The following SPHKAP variants were observed in gnomAD, a reference collection of about 807,000 sequenced individuals.
SPHKAP encodes the protein A-kinase anchor protein SPHKAP.
In SPHKAP, 67 loss-of-function variants were observed where a neutral mutation model predicts 137.5. The observed-to-expected ratio is 0.49, with a 90% confidence interval of 0.40 to 0.60. The LOEUF is 0.60. Among genes scored for constraint, SPHKAP ranks in the 20% least tolerant of loss-of-function variants. The pLI is 0.00. For missense variants in SPHKAP, 2,097 were observed against 2,069.3 expected (o/e 1.01, Z -0.26); for synonymous variants, 813 against 785.3 (o/e 1.04, Z -0.59).
intron 2 of SPHKAP, among the ~76,000 whole-genome samples, chr2:228,109,882 C>T (rs536360966): frequency 3.1e-5 from 4 of 130,694 alleles, no homozygotes; most frequent in East Asian, 4.8e-4. Context: ...CACTTGAACC[C>T]GGGAAGTGGA....
intron 1 of SPHKAP, among the ~76,000 whole-genome samples, chr2:228,139,124 A>G (rs1286292809): frequency 6.6e-6 from 1 of 152,228 alleles, no homozygotes; most frequent in African/African-American, 2.4e-5. Context: ...ATGAAAAGCA[A>G]AGACACTACT....
rs1047795863 is a variant in SPHKAP, at chr2:228,021,692, C to T, written c.697+19G>A. On this transcript the variant is annotated intron_variant, in intron 6 of 11. Coordinates refer to ENST00000392056, the MANE Select transcript of SPHKAP (RefSeq NM_001142644.2). The stretch of plus-strand genomic sequence containing the variant: ...ATACGGGGACTAATTTCAGGAGGCA[C>T]TAATTGGAAAGTTCTCACCGTTCCT... 6.4e-7 allele frequency: 1 copy of T among 1,569,982 alleles called. No individual in the cohort carries two copies. The highest frequency in any genetic ancestry group is 8.6e-7 in the Non-Finnish European group (1 of 1,163,328).
intron 3 of SPHKAP, among the ~76,000 whole-genome samples, chr2:228,083,937 T>A (rs72929099): frequency 0.014 from 2,088 of 151,430 alleles, 26 homozygotes; most frequent in Non-Finnish European, 0.023. Context: ...TGTTGTGGGG[T>A]GCAGGGCAAG....
intron 1 of SPHKAP, among the ~76,000 whole-genome samples, chr2:228,174,566 C>T (rs543946332): frequency 7.9e-4 from 120 of 152,206 alleles, no homozygotes; most frequent in Non-Finnish European, 1.3e-3. Context: ...CTTCGTTCCT[C>T]GTCTTTAACA....
intron 1 of SPHKAP, among the ~76,000 whole-genome samples, chr2:228,156,888 G>T (rs933337050): frequency 2.0e-5 from 3 of 152,138 alleles, no homozygotes; most frequent in Non-Finnish European, 4.4e-5. Context: ...GGCCTCCCCA[G>T]CCATATGGAA....
chr2:228,157,044 A>C (rs1429448696), intron 1 of SPHKAP, among the ~76,000 whole-genome samples: 1 of 152,236 alleles, frequency 6.6e-6, no homozygotes, highest in African/African-American at 2.4e-5. Flanking sequence ...AAAGCAGACA[A>C]ACATCCCTAC....
chr2:228,020,526 C>T (rs1290974126), intron 6 of SPHKAP, among the ~76,000 whole-genome samples: 1 of 152,096 alleles, frequency 6.6e-6, no homozygotes, highest in Non-Finnish European at 1.5e-5. Context: ...AATAAGAACA[C>T]TTGGATGCAG....
intron 2 of SPHKAP, among the ~76,000 whole-genome samples, chr2:228,129,410 T>C (rs955283007): frequency 6.6e-6 from 1 of 152,220 alleles, no homozygotes; most frequent in Admixed American, 6.5e-5. Flanking sequence ...AATTATGATA[T>C]GACTTTTTAC....
chr2:228,130,759 T>A (rs1405170040), intron 2 of SPHKAP, among the ~76,000 whole-genome samples: 1 of 152,188 alleles, frequency 6.6e-6, no homozygotes, highest in Admixed American at 6.5e-5. Context: ...AGCTCTTTTA[T>A]GAATAACTTG....
chr2:228,024,739 T>C (rs922704828), intron 5 of SPHKAP, among the ~76,000 whole-genome samples: 1 of 152,188 alleles, frequency 6.6e-6, no homozygotes, highest in East Asian at 1.9e-4. Context: ...TAATATACTT[T>C]ATGTGTATTT....
intron 5 of SPHKAP, among the ~76,000 whole-genome samples, chr2:228,023,605 T>C (rs1362052407): frequency 6.6e-6 from 1 of 152,214 alleles, no homozygotes; most frequent in Non-Finnish European, 1.5e-5. Context: ...AGCTGAAACT[T>C]ACCCAGTATT....
At chr2:227,989,787 T>G (rs35980555) in intron 11 of SPHKAP, among the ~76,000 whole-genome samples, 7,926 of 151,632 alleles carry the variant, frequency 0.052, 349 homozygotes, top group Non-Finnish European at 0.073. Context: ...TGTTTTTTTT[T>G]TTTTTTTTAA....
chr2:228,019,174 G>A lies in SPHKAP; in HGVS notation c.1680C>T (p.Gly560=), dbSNP rs1237489973. 2.5e-6 allele frequency: 4 copies of A among 1,613,580 alleles called. No homozygotes were observed. Among genetic ancestry groups the A allele is most frequent in the Non-Finnish European group, 3.4e-6 (4 of 1,180,040 alleles). The change falls in exon 7 of 12, where the codon GGC becomes GGT. Residue 560 remains glycine, a synonymous_variant. Transcript: ENST00000392056. ...NEYSFPSALC[G]MTQVASAVAV... Reference sequence around the variant, plus strand: ...CCACGGCACTGGCCACCTGAGTCATGCCACACAAAGCAGATGGAAAGGAGT... The same window carrying A: ...CCACGGCACTGGCCACCTGAGTCATACCACACAAAGCAGATGGAAAGGAGT...
intron 11 of SPHKAP, among the ~76,000 whole-genome samples, chr2:227,987,182 G>C (rs1693244190): frequency 6.6e-6 from 1 of 152,222 alleles, no homozygotes; most frequent in South Asian, 2.1e-4. Context: ...CTACCAGAAA[G>C]TGATCAGGTC....
chr2:228,174,629 A>C (rs1213678249), intron 1 of SPHKAP, among the ~76,000 whole-genome samples: 2 of 152,180 alleles, frequency 1.3e-5, no homozygotes, highest in Admixed American at 6.5e-5. Context: ...ATTATTTTAC[A>C]CAAGATTTTT....
At chr2:228,073,314 G>C (rs928316286) in intron 3 of SPHKAP, among the ~76,000 whole-genome samples, 1 of 152,168 alleles carries the variant, frequency 6.6e-6, no homozygotes, top group Non-Finnish European at 1.5e-5. Flanking sequence ...TACAATTCCA[G>C]ATACTTGATG....
At chr2:228,116,008 A>G (rs542607848) in intron 2 of SPHKAP, among the ~76,000 whole-genome samples, 4 of 152,166 alleles carry the variant, frequency 2.6e-5, no homozygotes, top group Non-Finnish European at 5.9e-5. Flanking sequence ...AAAAGGCACC[A>G]TCTATGGAGA....
At chr2:228,162,359 A>G (rs962513343) in intron 1 of SPHKAP, among the ~76,000 whole-genome samples, 28 of 152,366 alleles carry the variant, frequency 1.8e-4, no homozygotes, top group African/African-American at 6.0e-4. Context: ...TATAAGTAAT[A>G]TCTTGTGGAA....
rs529015105 is a variant in SPHKAP at position 228,076,757 on chromosome 2, A to G, written c.246+32075T>C. ...TTCACAGCCTGACAATGCAATAGAA[A>G]AGAAAATCCCATTTTCTGAGAAGAA... On this transcript the variant is annotated intron_variant, in intron 3 of 11. Coordinates refer to ENST00000392056, the MANE Select transcript of SPHKAP (RefSeq NM_001142644.2). Among the ~76,000 whole-genome samples, 3 of 152,334 alleles carry G rather than the reference A, an allele frequency of 2.0e-5. No individual in the cohort carries two copies. The East Asian group carries it at 5.8e-4, about 29-fold the overall frequency.
Sources: gnomAD v4.1 joint callset for allele counts (sites outside exome capture counted in the v4.1 genomes callset) on GRCh38, gnomAD v4.1.1 for gene constraint, MANE v1.5 for transcripts, NCBI Gene and HGNC (gene_info 2026-07-23, HGNC 2026-07-21) for gene names.